Variants in MICU1 observed in about 807,000 individuals in gnomAD.
MICU1 encodes the protein mitochondrial calcium uptake 1, also known as calcium uptake protein 1, mitochondrial.
In MICU1, 45 loss-of-function variants were observed where a neutral mutation model predicts 56.8. The ratio of observed to expected loss-of-function variants is 0.79; its 90% CI spans 0.62 to 1.02. The LOEUF (loss-of-function observed/expected upper bound fraction) is 1.02. MICU1 is among the 50% of genes least tolerant of loss of function. MICU1 has a pLI of 0.00. For missense variants in MICU1, 504 were observed against 587.1 expected (o/e 0.86, Z 1.46); for synonymous variants, 186 against 195.1 (o/e 0.95, Z 0.39).
At chr10:72,429,816 G>T (rs143571242) in intron 8 of MICU1, among the ~76,000 whole-genome samples, 1 of 152,134 alleles carries the variant, frequency 6.6e-6, no homozygotes, top group African/African-American at 2.4e-5. Context: ...TACTTGCCAG[G>T]TGCCATCCTA....
chr10:72,616,021 AT>A (rs1194202080), intron 1 of MICU1, among the ~76,000 whole-genome samples: 4 of 152,112 alleles, frequency 2.6e-5, no homozygotes, highest in Non-Finnish European at 5.9e-5. Flanking sequence ...AAAAAAAAAC[AT>A]GTTCAATCTT....
intron 6 of MICU1, among the ~76,000 whole-genome samples, chr10:72,481,615 T>C (rs974143551): frequency 6.6e-6 from 1 of 152,180 alleles, no homozygotes; most frequent in African/African-American, 2.4e-5. Flanking sequence ...TTTCACCATA[T>C]TGGCCAGGCT....
In MICU1 at chr10:72,566,751, C is replaced by T; in HGVS notation, c.43G>A (p.Val15Met). The T allele has an allele frequency of 6.2e-7, 1 of 1,612,578 alleles. No homozygotes were observed. The highest frequency in any genetic ancestry group is 8.5e-7 in the Non-Finnish European group (1 of 1,179,354). ...CCTCCATGGTACCATCGAGAACCCA[C>T]AGCCAGTTCTGCCAAAGCAGAAAGT... ...NSLSALAELA[V>M]GSRWYHGGSQ... is the part of the protein sequence containing the mutation. Residue 15 changes from valine (V) to methionine (M), a missense_variant, in exon 2 of 12, where the codon GTG becomes ATG. Transcript: ENST00000361114.
At chr10:72,564,061 A>C (rs956856348) in intron 2 of MICU1, among the ~76,000 whole-genome samples, 5 of 152,340 alleles carry the variant, frequency 3.3e-5, no homozygotes, top group African/African-American at 1.2e-4. Flanking sequence ...TGCTGCAATG[A>C]TATAATACTA....
At chr10:72,375,665 G>C (rs1372724467) in intron 11 of MICU1, 118 bp downstream of exon 11, 6 of 872,406 alleles carry the variant, frequency 6.9e-6, no homozygotes, top group African/African-American at 1.7e-5. Flanking sequence ...GAGAAAGGTG[G>C]GTAGCTTGAA....
chr10:72,517,652 A>G (rs1474739046), intron 5 of MICU1, among the ~76,000 whole-genome samples: 3 of 152,060 alleles, frequency 2.0e-5, no homozygotes, highest in Non-Finnish European at 2.9e-5. Flanking sequence ...GTGAGGGATA[A>G]AAGTCTACAA....
At chr10:72,507,181 A>T (rs1461722794) in intron 6 of MICU1, among the ~76,000 whole-genome samples, 2 of 152,148 alleles carry the variant, frequency 1.3e-5, no homozygotes, top group Admixed American at 6.6e-5. Context: ...AAAAAATTGC[A>T]AATCACTTAT....
chr10:72,379,920 G>A (rs143237936), intron 10 of MICU1, among the ~76,000 whole-genome samples: 8 of 152,210 alleles, frequency 5.3e-5, no homozygotes, highest in African/African-American at 1.9e-4. Context: ...TAGGCCCCTG[G>A]GGTATGAATC....
intron 1 of MICU1, among the ~76,000 whole-genome samples, chr10:72,594,925 CAAAAA>C (rs57504317): frequency 2.0e-5 from 1 of 50,748 alleles, no homozygotes; most frequent in Middle Eastern, 0.012. Context: ...AAGTACAATC[CAAAAA>C]AAAAAAAAAG....
At chr10:72,382,094 C>T (rs12777437) in intron 10 of MICU1, among the ~76,000 whole-genome samples, 71,891 of 151,050 alleles carry the variant, frequency 0.48, 19,666 homozygotes, top group Non-Finnish European at 0.64. Flanking sequence ...GTATTTGGTA[C>T]GAGTTACATT....
chr10:72,405,344 T>A (rs1227385488), intron 10 of MICU1, among the ~76,000 whole-genome samples: 1 of 152,014 alleles, frequency 6.6e-6, no homozygotes, highest in African/African-American at 2.4e-5. Flanking sequence ...CTCAGCCTCC[T>A]GAGTAGCTGG....
At chr10:72,456,267 G>A (rs189244121) in intron 8 of MICU1, among the ~76,000 whole-genome samples, 54 of 152,318 alleles carry the variant, frequency 3.5e-4, no homozygotes, top group Non-Finnish European at 4.1e-4. Context: ...ATCTGGGGAA[G>A]GCGGTGAGTA....
chr10:72,580,806 C>T (rs1333028275), intron 1 of MICU1, among the ~76,000 whole-genome samples: 2 of 152,198 alleles, frequency 1.3e-5, no homozygotes, highest in Non-Finnish European at 2.9e-5. Context: ...GCTGATTATA[C>T]TTTCAAAATA....
intron 3 of MICU1, among the ~76,000 whole-genome samples, chr10:72,556,942 G>A (rs1410919517): frequency 1.3e-5 from 2 of 151,934 alleles, no homozygotes; most frequent in Admixed American, 1.3e-4. Flanking sequence ...TCGGGTGTCT[G>A]TAATTCCAGC....
chr10:72,388,940 T>C (rs1225298331), intron 10 of MICU1, among the ~76,000 whole-genome samples: 2 of 152,246 alleles, frequency 1.3e-5, no homozygotes, highest in African/African-American at 4.8e-5. Flanking sequence ...AGTGGCTTCA[T>C]TTGATATTTT....
At chr10:72,462,695 C>T (rs1431353342) in intron 8 of MICU1, among the ~76,000 whole-genome samples, 2 of 152,072 alleles carry the variant, frequency 1.3e-5, no homozygotes, top group Non-Finnish European at 2.9e-5. Flanking sequence ...GTATGTGAGA[C>T]TAAAAATTTA....
intron 3 of MICU1, among the ~76,000 whole-genome samples, chr10:72,559,881 T>C (rs1363637148): frequency 6.6e-6 from 1 of 152,150 alleles, no homozygotes; most frequent in Admixed American, 6.5e-5. Flanking sequence ...GCGGCAACAT[T>C]AGATTCTCAT....
chr10:72,531,921 G>C (rs1839497366), intron 5 of MICU1, among the ~76,000 whole-genome samples: 1 of 141,250 alleles, frequency 7.1e-6, no homozygotes, highest in African/African-American at 2.7e-5. Context: ...TTTTTTTTGA[G>C]ACGGAGTCTC....
intron 8 of MICU1, among the ~76,000 whole-genome samples, chr10:72,438,662 TAAA>T (rs1376915045): frequency 6.6e-6 from 1 of 150,882 alleles, no homozygotes; most frequent in African/African-American, 2.4e-5. Context: ...GCAAGACTAA[TAAA>T]GAAGAAAAGA....
Sources: gnomAD v4.1 joint callset for allele counts (sites outside exome capture counted in the v4.1 genomes callset) on GRCh38, gnomAD v4.1.1 for gene constraint, MANE v1.5 for transcripts, NCBI Gene and HGNC (gene_info 2026-07-23, HGNC 2026-07-21) for gene names.